The following TAF15 variants were observed in gnomAD, a reference collection of about 807,000 sequenced individuals.
TAF15 encodes TATA-box binding protein associated factor 15, also known as TATA-binding protein-associated factor 2N.
Under a neutral mutation model 102.5 loss-of-function variants are expected in TAF15, and 37 were observed. The observed-to-expected ratio is 0.36, with a 90% confidence interval of 0.28 to 0.47. TAF15 has a LOEUF of 0.47. Ranked by LOEUF, TAF15 falls within the 20% of genes least tolerant of loss-of-function variation. The probability of loss-of-function intolerance (pLI) is 0.99; values close to 1 mark genes in which losing one functional copy is unlikely to be tolerated. For synonymous variants in TAF15, 273 were observed against 259.2 expected (o/e 1.05, Z -0.51); for missense variants, 652 against 760.7 (o/e 0.86, Z 1.68).
chr17:35,844,104 G>A lies in TAF15; in HGVS notation c.1034G>A (p.Gly345Asp), dbSNP rs1245625743. 2.5e-6 allele frequency: 4 copies of A among 1,614,176 alleles called. No individual in the cohort carries two copies. Among genetic ancestry groups the A allele is most frequent in the Non-Finnish European group, 3.4e-6 (4 of 1,180,038 alleles). The change falls in exon 13 of 16, where the codon GGC becomes GAC. Residue 345 changes from glycine (G) to aspartate (D), a missense_variant. By Grantham distance (94) the Gly-to-Asp change is moderately conservative. Around this residue, in one of 3 missense-constraint regions of TAF15, gnomAD observed 368 missense variants for 367.5 expected, o/e 1.00. Coordinates refer to ENST00000605844, the MANE Select transcript of TAF15 (RefSeq NM_139215.3). ...CGTGGAGGATATAGAGGTCGTGGAGGCTTTCAAGGGAGAGGTGGAGACCCC... is the reference window on the plus strand; with the variant it reads ...CGTGGAGGATATAGAGGTCGTGGAGACTTTCAAGGGAGAGGTGGAGACCCC... ...RGRGGYRGRG[G>D]FQGRGGDPKS... is the part of the protein sequence containing the mutation.
Position 35,820,350 on chromosome 17 carries a change from G to A in TAF15, c.203G>A (p.Gly68Asp), listed in dbSNP as rs779061658. The change falls in exon 5 of 16, where the codon GGT becomes GAT. Residue 68 changes from glycine to aspartate, a missense_variant. Gly to Asp is a moderately conservative substitution (Grantham distance 94). Around this residue, in one of 3 missense-constraint regions of TAF15, gnomAD observed 243 missense variants for 284.1 expected, o/e 0.86. Transcript: ENST00000605844. ...QSQSGYSQSY[G>D]GYENQKQSSY... ...TCTTTAGGTTATTCACAGTCCTATG[G>A]TGGTTATGAGAATCAAAAGCAGAGC... The A allele has an allele frequency of 6.2e-7, 1 of 1,613,986 alleles. No individual in the cohort carries two copies. Among genetic ancestry groups the A allele is most frequent in the Non-Finnish European group, 8.5e-7 (1 of 1,179,920 alleles).
At position 35,820,085 on chromosome 17, in the gene TAF15, A is replaced by T; in HGVS notation, c.99+10A>T. 1 of 1,614,022 alleles carries T rather than the reference A, an allele frequency of 6.2e-7. No homozygotes were observed. The highest frequency in any genetic ancestry group is 8.5e-7 in the Non-Finnish European group (1 of 1,179,894). ...TGGACAAGCATCACAAGTAGGTTGA[A>T]ATATAAATTGTATTCTTCATAAGTA... is the stretch of plus-strand genomic sequence containing the variant. On this transcript the variant is annotated intron_variant, in intron 3 of 15. Transcript: ENST00000605844.
At chr17:35,844,016 C>G (rs2087578755) in intron 12 of TAF15, 61 bp from the exon 13 acceptor site, 4 of 1,432,788 alleles carry the variant, frequency 2.8e-6, no homozygotes, top group East Asian at 4.5e-5. Context: ...TTATCTGATG[C>G]TTTTCTTCTG....
chr17:35,846,567 A>G lies in TAF15; in HGVS notation c.1740-339A>G, dbSNP rs4251793. Among the ~76,000 whole-genome samples the G allele has an allele frequency of 8.7e-3, 1,332 of 152,312 alleles. 23 individuals are homozygous for G. Among genetic ancestry groups the G allele is most frequent in the African/African-American group, 0.029 (1,222 of 41,566 alleles). On this transcript the variant is annotated intron_variant, in intron 15 of 15. Transcript: ENST00000605844. ...ATAGTAAGTGGCAGATCCAGAATTC[A>G]TACATGTAAGTGCTTGCTCATTCCA...
In TAF15 at chr17:35,820,257, A is replaced by G. The variant is rs2087243225; in HGVS notation, c.184+9A>G. The G allele has an allele frequency of 6.2e-7, 1 of 1,614,036 alleles. No homozygotes were observed. The highest frequency in any genetic ancestry group is 1.7e-4 in the Middle Eastern group (1 of 6,060). ...TGGACAAAGTCAGTCAGGTTGGACT[A>G]GTTTGTTAAATTTGTTGTTTCAGAG... is the stretch of plus-strand genomic sequence containing the variant. On this transcript the variant is annotated intron_variant, in intron 4 of 15. Transcript: ENST00000605844.
At chr17:35,834,995 C>T (rs4251761) in intron 9 of TAF15, among the ~76,000 whole-genome samples, 1 of 151,938 alleles carries the variant, frequency 6.6e-6, no homozygotes, top group Non-Finnish European at 1.5e-5. Context: ...CCGCCTGTCT[C>T]AGCCTCCCAC....
Position 35,845,055 on chromosome 17 carries a change from GTTTAT to G in TAF15, c.1739+19_1739+23del. The G allele has an allele frequency of 6.2e-7, 1 of 1,613,734 alleles. No homozygotes were observed. The highest frequency in any genetic ancestry group is 8.5e-7 in the Non-Finnish European group (1 of 1,179,946). ...GGGAGGAAGGTGAGTATTAGAATGT[GTTTAT>G]TAACCTTTTTACCTCACTGCACCTA... On this transcript the variant is annotated intron_variant, in intron 15 of 15. Transcript: ENST00000605844.
intron 7 of TAF15, chr17:35,833,572 A>G (rs1050916293): frequency 4.3e-5 from 9 of 209,296 alleles, no homozygotes; most frequent in Non-Finnish European, 8.6e-5. Flanking sequence ...TTTGGAAAAA[A>G]TACTTACTCT....
intron 15 of TAF15, among the ~76,000 whole-genome samples, chr17:35,846,123 C>CA (rs1449167989): frequency 6.6e-6 from 1 of 152,082 alleles, no homozygotes; most frequent in Non-Finnish European, 1.5e-5. Context: ...ATGCCAGCGG[C>CA]AATATAAGGC....
Position 35,844,733 on chromosome 17 carries a change from C to T in TAF15, c.1434C>T (p.Gly478=), listed in dbSNP as rs1201318998. 1 of 1,608,276 alleles carries T rather than the reference C, an allele frequency of 6.2e-7. No individual in the cohort carries two copies. Residue 478 remains glycine (G), a synonymous_variant, in exon 15 of 16, where the codon GGC becomes GGT. Transcript: ENST00000605844. ...GCTATGGAGGAGACCGAGGAGGTGG[C>T]TATGGAGGAGATCGAGGTGGCTATG... ...GGGYGGDRGG[G]YGGDRGGYGG... is the part of the protein sequence containing the mutation.
At chr17:35,840,341 T>TCCTGGGTTCA (rs1344703422) in intron 11 of TAF15, among the ~76,000 whole-genome samples, 1 of 141,594 alleles carries the variant, frequency 7.1e-6, no homozygotes, top group East Asian at 2.3e-4. Flanking sequence ...AACCTCCGCC[T>TCCTGGGTTCA]CCTGGGTTCA....
chr17:35,824,653 G>C (rs2087304518), intron 7 of TAF15, among the ~76,000 whole-genome samples: 1 of 152,200 alleles, frequency 6.6e-6, no homozygotes, highest in Non-Finnish European at 1.5e-5. Flanking sequence ...GAAAGGTGGG[G>C]ATGGCAAATA....
chr17:35,823,737 T>A, intron 6 of TAF15: 1 of 212,768 alleles, frequency 4.7e-6, no homozygotes, highest in Non-Finnish European at 9.3e-6. Context: ...AAGATTGGGG[T>A]CGTGCTTTTC....
intron 1 of TAF15, among the ~76,000 whole-genome samples, chr17:35,816,450 G>A (rs2087195911): frequency 6.6e-6 from 1 of 152,206 alleles, no homozygotes; most frequent in South Asian, 2.1e-4. Context: ...TGGCACCACT[G>A]CACTCCAGCA....
At chr17:35,842,497 AAG>A in intron 12 of TAF15, 38 bp downstream of exon 12, 1 of 1,515,716 alleles carries the variant, frequency 6.6e-7, no homozygotes, top group Non-Finnish European at 9.2e-7. Context: ...GATACTATCC[AAG>A]GGTTTAAGTT....
At chr17:35,821,740 A>G (rs975282130) in intron 5 of TAF15, among the ~76,000 whole-genome samples, 2 of 152,252 alleles carry the variant, frequency 1.3e-5, no homozygotes, top group Non-Finnish European at 2.9e-5. Flanking sequence ...TCAAATCGCT[A>G]GAATAAGCAG....
chr17:35,834,282 C>T (rs1314382496), intron 8 of TAF15: 2 of 426,452 alleles, frequency 4.7e-6, no homozygotes, highest in Non-Finnish European at 8.2e-6. Context: ...TTAGGGTTGT[C>T]CAATCAGCCT....
intron 9 of TAF15, 142 bp downstream of exon 9, chr17:35,834,740 C>CTTTGTTTTTTTT (rs2087451730): frequency 4.7e-6 from 1 of 212,934 alleles, no homozygotes; most frequent in Non-Finnish European, 7.9e-6. Context: ...AGCTTTATTT[C>CTTTGTTTTTTTT]TTTTTTTTTT....
rs1182105885 is a variant in TAF15 at position 35,847,055 on chromosome 17, A to G, written c.*110A>G. 2 of 411,166 alleles carry G rather than the reference A, an allele frequency of 4.9e-6. No individual in the cohort carries two copies. The highest frequency in any genetic ancestry group is 3.5e-5 in the South Asian group (2 of 57,736). The allele number at this position is 411,166 out of a possible 1,614,324, so 25.5% of individuals were successfully genotyped here. A position where few individuals can be genotyped will look rare whatever the true frequency, so the allele number is the denominator to read the frequency against. ...TTCTTGGGTAGTGAAATTAAGTGAC[A>G]TTTGGATTTTTATTTGGGTGGGAGG... is the stretch of plus-strand genomic sequence containing the variant. On this transcript the variant is annotated 3_prime_UTR_variant, in exon 16 of 16. Transcript: ENST00000605844.
Sources: gnomAD v4.1 joint callset for allele counts (sites outside exome capture counted in the v4.1 genomes callset) on GRCh38, gnomAD v4.1.1 for gene constraint, gnomAD v4.1.1 regional missense constraint, MANE v1.5 for transcripts, NCBI Gene and HGNC (gene_info 2026-07-23, HGNC 2026-07-21) for gene names.